The following DCUN1D2 variants were observed in gnomAD, a reference collection of about 807,000 sequenced individuals.
DCUN1D2 encodes the protein defective in cullin neddylation 1 domain containing 2.
A neutral mutation model predicts 30.9 loss-of-function variants in DCUN1D2; 29 were observed. The observed-to-expected ratio is 0.94, with a 90% CI of 0.70 to 1.28. The LOEUF (loss-of-function observed/expected upper bound fraction) is 1.28, where lower values mean the gene tolerates loss of function less well. Among genes scored for constraint, DCUN1D2 ranks in the 50% most tolerant of loss-of-function variants. DCUN1D2 has a pLI of 0.00. For missense variants in DCUN1D2, 325 were observed against 316.9 expected (o/e 1.03, Z -0.19); for synonymous variants, 121 against 115.3 (o/e 1.05, Z -0.32).
At chr13:113,466,230 G>A (rs1595570899) in intron 4 of DCUN1D2, among the ~76,000 whole-genome samples, 1 of 152,164 alleles carries the variant, frequency 6.6e-6, no homozygotes, top group South Asian at 2.1e-4. Context: ...ACTGATGATA[G>A]TTACTGAGTA....
At chr13:113,489,615 G>A (rs1223666142) in intron 1 of DCUN1D2, among the ~76,000 whole-genome samples, 2 of 151,834 alleles carry the variant, frequency 1.3e-5, no homozygotes, top group Non-Finnish European at 2.9e-5. Flanking sequence ...CCCTCTACAC[G>A]TTACCGTGTC....
intron 1 of DCUN1D2, among the ~76,000 whole-genome samples, chr13:113,484,823 T>C (rs2044773209): frequency 6.6e-6 from 1 of 152,204 alleles, no homozygotes. Flanking sequence ...AACTTGATGA[T>C]GTAATCCCAG....
chr13:113,459,449 T>A (rs868110194), intron 5 of DCUN1D2, 41 bp from the exon 6 acceptor site: 7 of 921,920 alleles, frequency 7.6e-6, no homozygotes, highest in Middle Eastern at 4.4e-4. Context: ...AGGTTTAAAA[T>A]ACAGAGCTTA....
At position 113,483,786 on chromosome 13, in the gene DCUN1D2, C is replaced by T. The variant is rs560369004; in HGVS notation, c.220+54G>A. 268 of 1,565,760 alleles carry T rather than the reference C, an allele frequency of 1.7e-4. 1 individual carries two copies. Among genetic ancestry groups the T allele is most frequent in the Middle Eastern group, 9.2e-4 (4 of 4,332 alleles). Reference sequence around the variant, plus strand: ...ACCAGAACCCTGGAAGTGCAGCGCGCAGGCCGCTCGCGGAGGCCGACATCC... The same window carrying T: ...ACCAGAACCCTGGAAGTGCAGCGCGTAGGCCGCTCGCGGAGGCCGACATCC... On this transcript the variant is annotated intron_variant, in intron 2 of 6. Coordinates refer to ENST00000478244, the MANE Select transcript of DCUN1D2 (RefSeq NM_001014283.2).
At chr13:113,462,763 T>C in intron 4 of DCUN1D2, 17 of 1,066,512 alleles carry the variant, frequency 1.6e-5, no homozygotes, top group Non-Finnish European at 1.9e-5. Context: ...AGTAAAATGC[T>C]AAGAAGATGA....
At position 113,477,398 on chromosome 13, in the gene DCUN1D2, C is replaced by T. The variant is rs117847888; in HGVS notation, c.390-3144G>A. ...TATTTTTGAAGATACCGAAAGATGA[C>T]GTAGATTTTACATGTTACCGTTTTG... is the stretch of plus-strand genomic sequence containing the variant. On this transcript the variant is annotated intron_variant, in intron 3 of 6. Coordinates refer to ENST00000478244, the MANE Select transcript of DCUN1D2 (RefSeq NM_001014283.2). Among the ~76,000 whole-genome samples, 71 of 145,886 alleles carry T rather than the reference C, an allele frequency of 4.9e-4. 1 individual carries two copies. The East Asian group carries it at 0.013, about 26-fold the overall frequency.
chr13:113,482,945 AACACAC>A (rs375385163), intron 2 of DCUN1D2, among the ~76,000 whole-genome samples: 3 of 151,896 alleles, frequency 2.0e-5, no homozygotes, highest in Admixed American at 6.6e-5. Flanking sequence ...CCGTCACATA[AACACAC>A]ACACACACAG....
intron 3 of DCUN1D2, among the ~76,000 whole-genome samples, 186 bp from the exon 4 acceptor site, chr13:113,474,440 C>T (rs1254436596): frequency 1.3e-5 from 2 of 152,198 alleles, no homozygotes; most frequent in East Asian, 3.8e-4. Flanking sequence ...GGGGCAACAT[C>T]TCCCTTGCTA....
intron 4 of DCUN1D2, among the ~76,000 whole-genome samples, chr13:113,468,745 T>G (rs571692082): frequency 3.9e-5 from 6 of 152,056 alleles, no homozygotes; most frequent in African/African-American, 1.4e-4. Flanking sequence ...ATGCAGCAAT[T>G]AGAAAGCAAA....
intron 3 of DCUN1D2, among the ~76,000 whole-genome samples, chr13:113,475,201 C>G (rs1343262876): frequency 1.3e-5 from 2 of 152,188 alleles, no homozygotes; most frequent in African/African-American, 4.8e-5. Flanking sequence ...TCACGGTCAA[C>G]AGCAGAAGGC....
chr13:113,490,673 C>T lies in DCUN1D2; in HGVS notation c.-4G>A, dbSNP rs1212321874. ...GCGACGCCGGGCCACCTACCATCTC[C>T]CCCGCGCCGCCCGCTTCTGGCCGGC... On this transcript the variant is annotated 5_prime_UTR_variant, in exon 1 of 7. Transcript: ENST00000478244. The surrounding 1 kb of genome is among the most constrained non-coding windows in gnomAD (Gnocchi z 5.2). 5 of 1,244,844 alleles carry T rather than the reference C, an allele frequency of 4.0e-6. No individual in the cohort carries two copies. Among genetic ancestry groups the T allele is most frequent in the East Asian group, 3.5e-5 (1 of 28,402 alleles). The allele number at this position is 1,244,844 out of a possible 1,614,324, so 77.1% of individuals were successfully genotyped here.
intron 4 of DCUN1D2, among the ~76,000 whole-genome samples, chr13:113,472,106 G>A (rs1489368570): frequency 4.6e-5 from 7 of 151,328 alleles, no homozygotes; most frequent in Admixed American, 1.3e-4. Flanking sequence ...GTCACTCTGA[G>A]CCCGTGGTGT....
chr13:113,457,678 G>A lies in DCUN1D2; in HGVS notation c.*351C>T, dbSNP rs767432620. ...GTCATTCGGCGGGACGCTGCCGGAC[G>A]CTGGTTCGCCTGACGCGCGAGCTAC... On this transcript the variant is annotated 3_prime_UTR_variant, in exon 7 of 7. Coordinates refer to ENST00000478244, the MANE Select transcript of DCUN1D2 (RefSeq NM_001014283.2). 2 of 170,438 alleles carry A rather than the reference G, an allele frequency of 1.2e-5. No homozygotes were observed. The highest frequency in any genetic ancestry group is 1.2e-5 in the Non-Finnish European group (1 of 80,402). The allele number at this position is 170,438 out of a possible 1,614,324, so 10.6% of individuals were successfully genotyped here. A position where few individuals can be genotyped will look rare whatever the true frequency, so the allele number is the denominator to read the frequency against.
intron 1 of DCUN1D2, among the ~76,000 whole-genome samples, chr13:113,487,588 G>A (rs1422093012): frequency 1.3e-5 from 2 of 152,052 alleles, no homozygotes; most frequent in East Asian, 1.9e-4. Flanking sequence ...GAGTCCAGCC[G>A]CACAGTGTGC....
At chr13:113,491,198 G>C (rs1427337689), upstream of DCUN1D2, 1 of 152,316 alleles carries the variant, frequency 6.6e-6, no homozygotes, top group Non-Finnish European at 1.5e-5. Context: ...TCGGGTCCTG[G>C]CGCCTCAGAG....
At chr13:113,489,091 C>T (rs1362132070) in intron 1 of DCUN1D2, 6 of 984,970 alleles carry the variant, frequency 6.1e-6, no homozygotes, top group African/African-American at 1.7e-5. Flanking sequence ...TCAACTTACC[C>T]GGGGCTGGCG....
chr13:113,470,342 C>A (rs966971987), intron 4 of DCUN1D2, among the ~76,000 whole-genome samples: 1 of 152,144 alleles, frequency 6.6e-6, no homozygotes, highest in Non-Finnish European at 1.5e-5. Context: ...ATGAGACTGC[C>A]TAACAATGCA....
intron 4 of DCUN1D2, among the ~76,000 whole-genome samples, chr13:113,465,528 T>A (rs1470214449): frequency 1.3e-5 from 2 of 149,442 alleles, no homozygotes; most frequent in African/African-American, 4.9e-5. Flanking sequence ...AAACCCTGCA[T>A]GAGATGAAGA....
intron 4 of DCUN1D2, among the ~76,000 whole-genome samples, chr13:113,466,351 G>C (rs1332270698): frequency 1.3e-5 from 2 of 152,126 alleles, no homozygotes; most frequent in African/African-American, 4.8e-5. Context: ...TTTTATTGTA[G>C]AAAACCAAAT....
Sources: allele counts gnomAD v4.1 joint callset (sites outside exome capture counted in the v4.1 genomes callset), GRCh38; gene constraint gnomAD v4.1.1; non-coding constraint Gnocchi (gnomAD v3.1); transcripts MANE v1.5; gene names NCBI Gene and HGNC (gene_info 2026-07-23, HGNC 2026-07-21).